Variants in IGDCC4 observed in about 807,000 individuals in gnomAD.
IGDCC4 encodes likely ortholog of mouse neighbor of Punc E11.
IGDCC4 carries 72 observed loss-of-function variants against 116.6 expected under a neutral mutation model. The observed-to-expected ratio is 0.62, with a 90% confidence interval of 0.51 to 0.75. The LOEUF is 0.75. Ranked by LOEUF, IGDCC4 falls within the 30% of genes least tolerant of loss-of-function variation. The pLI, the probability that IGDCC4 is intolerant of heterozygous loss-of-function variation, is 0.00. For missense variants in IGDCC4, 1,501 were observed against 1,662.4 expected, an observed-to-expected ratio of 0.90 and a Z score of 1.69; for synonymous variants, 709 against 719.9, an observed-to-expected ratio of 0.98 and a Z score of 0.24.
rs773818930 is a variant in IGDCC4, at chr15:65,384,451, G to A, written c.3343-32C>T. The A allele has an allele frequency of 6.8e-7, 1 of 1,478,772 alleles. No individual in the cohort carries two copies. The highest frequency in any genetic ancestry group is 1.4e-5 in the South Asian group (1 of 71,236). The allele number at this position is 1,478,772 out of a possible 1,614,324, so 91.6% of individuals were successfully genotyped here. ...AGAGCAGAGAACACAAAGACAAAGT[G>A]ACCATTACTGAGAGTAATCATCAGA... is the stretch of plus-strand genomic sequence containing the variant. On this transcript the variant is annotated intron_variant, in intron 19 of 19. Coordinates refer to ENST00000352385, the MANE Select transcript of IGDCC4 (RefSeq NM_020962.3). This position sits in a 1 kb window ranked among gnomAD's most constrained non-coding sequence, Gnocchi z 4.9.
At chr15:65,420,090 G>T (rs2063176685) in intron 1 of IGDCC4, among the ~76,000 whole-genome samples, 1 of 152,176 alleles carries the variant, frequency 6.6e-6, no homozygotes, top group East Asian at 1.9e-4. Context: ...GGGATTACAG[G>T]CATGCACCAC....
rs2091486136 is a variant in IGDCC4, at chr15:65,388,832, G to T, written c.2683C>A (p.Gln895Lys). 6.2e-7 allele frequency: 1 copy of T among 1,614,080 alleles called. No individual in the cohort carries two copies. The highest frequency in any genetic ancestry group is 8.5e-7 in the Non-Finnish European group (1 of 1,180,038). The change falls in exon 15 of 20, where the codon CAG becomes AAG. Residue 895 changes from glutamine to lysine, a missense_variant. This residue lies in a region of IGDCC4 where 235 missense variants were observed against 328.0 expected (regional missense o/e 0.72). Transcript: ENST00000352385. Reference protein sequence around the residue: ...YSSNHTQPEHQWTLLTTQGNI... With the variant: ...YSSNHTQPEHKWTLLTTQGNI... ...CCCTGCGTGGTGAGCAAGGTCCACT[G>T]GTGCTCAGGCTGCGTGTGGTTGCTG...
At position 65,395,822 on chromosome 15, in the gene IGDCC4, C is replaced by T; in HGVS notation, c.1339G>A (p.Val447Met). 2 of 1,523,966 alleles carry T rather than the reference C, an allele frequency of 1.3e-6. No individual in the cohort carries two copies. The highest frequency in any genetic ancestry group is 2.5e-5 in the East Asian group (1 of 39,594). The allele number at this position is 1,523,966 out of a possible 1,614,324, so 94.4% of individuals were successfully genotyped here. A position where few individuals can be genotyped will look rare whatever the true frequency, so the allele number is the denominator to read the frequency against. Residue 447 changes from valine (V) to methionine (M), a missense_variant, in exon 7 of 20, where the codon GTG becomes ATG. Physicochemically the swap from Val to Met is conservative, Grantham distance 21. Coordinates refer to ENST00000352385, the MANE Select transcript of IGDCC4 (RefSeq NM_020962.3). The stretch of plus-strand genomic sequence containing the variant: ...TGCATCTCGGGCCGCTCCCAGGCCA[C>T]CAACACAGCGGAGCTGCTCAGTGGC... The part of the protein sequence containing the change: ...ATPLSSSAVL[V>M]AWERPEMHSE...
chr15:65,421,549 C>T lies in IGDCC4; in HGVS notation c.70+1244G>A, dbSNP rs538221135. Among the ~76,000 whole-genome samples the T allele has an allele frequency of 2.0e-5, 3 of 152,318 alleles. No individual in the cohort carries two copies. The South Asian group carries it at 6.2e-4, about 32-fold the overall frequency. ...GGAGTTCCCGGCACTTTCCCACCCG[C>T]TGTTTGGTTTTCCTGGAGATGGGCC... On this transcript the variant is annotated intron_variant, in intron 1 of 19. Coordinates refer to ENST00000352385, the MANE Select transcript of IGDCC4 (RefSeq NM_020962.3).
chr15:65,390,114 C>T, intron 13 of IGDCC4, 41 bp downstream of exon 13: 1 of 1,399,738 alleles, frequency 7.1e-7, no homozygotes, highest in South Asian at 1.4e-5. Flanking sequence ...CCCACCTATT[C>T]TTCCTCCCTT....
At chr15:65,396,682 G>A in intron 6 of IGDCC4, 152 bp downstream of exon 6, 3 of 978,128 alleles carry the variant, frequency 3.1e-6, no homozygotes, top group Non-Finnish European at 4.4e-6. Flanking sequence ...CCCATCCCTC[G>A]TCCCACCTCC....
chr15:65,412,511 C>CAAAAAAAA lies in IGDCC4; in HGVS notation c.71-1149_71-1142dup, dbSNP rs3082805. On this transcript the variant is annotated intron_variant, in intron 1 of 19. Transcript: ENST00000352385. ...TGGGTGACAGAATGAGATTCCATCT[C>CAAAAAAAA]AAAAAAAAAAAAAAAAAAAAAAAAA... Among the ~76,000 whole-genome samples the CAAAAAAAA allele has an allele frequency of 4.5e-3, 75 of 16,716 alleles. 26 individuals are homozygous for CAAAAAAAA. Among genetic ancestry groups the CAAAAAAAA allele is most frequent in the East Asian group, 0.015 (8 of 532 alleles). The allele number at this position is 16,716 out of a possible 152,430, so 11.0% of individuals were successfully genotyped here.
At position 65,382,870 on chromosome 15, in the gene IGDCC4, T is replaced by C. The variant is rs560582977; in HGVS notation, c.*1139A>G. Reference sequence around the variant, plus strand: ...CATCCAGTAAACTTGCCCCCCTGCATAGAAGGGAGGGCATCTTTTTATTCT... The same window carrying C: ...CATCCAGTAAACTTGCCCCCCTGCACAGAAGGGAGGGCATCTTTTTATTCT... On this transcript the variant is annotated 3_prime_UTR_variant, in exon 20 of 20. Coordinates refer to ENST00000352385, the MANE Select transcript of IGDCC4 (RefSeq NM_020962.3). 1 of 152,232 alleles carries C rather than the reference T, an allele frequency of 6.6e-6. No individual in the cohort carries two copies. The highest frequency in any genetic ancestry group is 1.9e-4 in the East Asian group (1 of 5,176). The allele number at this position is 152,232 out of a possible 1,614,324, so 9.4% of individuals were successfully genotyped here.
At chr15:65,392,109 T>TCCCC in intron 11 of IGDCC4, 25 bp downstream of exon 11, 2 of 1,136,526 alleles carry the variant, frequency 1.8e-6, no homozygotes, top group South Asian at 1.4e-5. Flanking sequence ...CATCCCTCCC[T>TCCCC]CCCCCTCCCC....
rs1311553942 is a variant in IGDCC4, at chr15:65,382,697, ACCT to A, written c.*1309_*1311del. The A allele has an allele frequency of 6.6e-6, 1 of 151,928 alleles. No individual in the cohort carries two copies. The highest frequency in any genetic ancestry group is 2.4e-5 in the African/African-American group (1 of 41,330). The allele number at this position is 151,928 out of a possible 1,614,324, so 9.4% of individuals were successfully genotyped here. Reference sequence around the variant, plus strand: ...GAGCTACCCCTTTTCCTGTGCAAAGACCTCCTTGCCAGCACCCCAGAGGGTGAG... The same window carrying A: ...GAGCTACCCCTTTTCCTGTGCAAAGACCTTGCCAGCACCCCAGAGGGTGAG... On this transcript the variant is annotated 3_prime_UTR_variant, in exon 20 of 20. Coordinates refer to ENST00000352385, the MANE Select transcript of IGDCC4 (RefSeq NM_020962.3).
chr15:65,390,614 T>C (rs1048476018), intron 12 of IGDCC4, among the ~76,000 whole-genome samples: 4 of 152,176 alleles, frequency 2.6e-5, no homozygotes, highest in African/African-American at 9.7e-5. Flanking sequence ...CCAGGCTGCC[T>C]TGGTTCAAAT....
At chr15:65,395,298 C>G (rs2062912644) in intron 7 of IGDCC4, 40 bp from the exon 8 acceptor site, 1 of 1,581,714 alleles carries the variant, frequency 6.3e-7, no homozygotes, top group South Asian at 1.1e-5. Context: ...ATAGTGCCAC[C>G]CCCCCGTGCT....
Position 65,422,848 on chromosome 15 carries a change from GT to G in IGDCC4, c.14del (p.Asp5AlafsTer11). On this transcript the variant is annotated frameshift_variant, in exon 1 of 20. Transcript: ENST00000352385. LOFTEE classifies it high-confidence loss of function. MARG[D>X]AGRGRGLLAL... ...CGAGGAGCCCGCGGCCGCGGCCGGC[GT>G]CCCCCCGCGCCATGGGGCTGGGCTC... The G allele has an allele frequency of 8.4e-7, 1 of 1,195,762 alleles. No homozygotes were observed. The highest frequency in any genetic ancestry group is 1.0e-6 in the Non-Finnish European group (1 of 961,662). The allele number at this position is 1,195,762 out of a possible 1,614,324, so 74.1% of individuals were successfully genotyped here.
chr15:65,396,224 C>CA, intron 6 of IGDCC4, 61 bp from the exon 7 acceptor site: 1 of 1,377,826 alleles, frequency 7.3e-7, no homozygotes, highest in Non-Finnish European at 9.5e-7. Flanking sequence ...CTGCCCCCCC[C>CA]CCAGTACCCC....
At chr15:65,388,021 A>G (rs72625760) in intron 16 of IGDCC4, among the ~76,000 whole-genome samples, 30,881 of 151,962 alleles carry the variant, frequency 0.2, 3,435 homozygotes, top group East Asian at 0.44. Flanking sequence ...CAAGGTAGGC[A>G]GATCACGAGG....
At chr15:65,397,778 C>T (rs1313387483) in intron 5 of IGDCC4, among the ~76,000 whole-genome samples, 2 of 152,114 alleles carry the variant, frequency 1.3e-5, no homozygotes, top group Non-Finnish European at 2.9e-5. Context: ...CATAAAGGAG[C>T]TTCACCTAGG....
In IGDCC4 at chr15:65,391,027, G is replaced by C. The variant is rs1708262848; in HGVS notation, c.2225-689C>G. 3.3e-5 allele frequency among the ~76,000 whole-genome samples: 5 copies of C among 152,166 alleles called. No homozygotes were observed. In the South Asian group the frequency reaches 1.0e-3, roughly 31 times the overall value. ...ATGGGTGGATCACCTGAGGTCGGGA[G>C]TTCAAGGCCAGCCTGGCCAACATGG... On this transcript the variant is annotated intron_variant, in intron 12 of 19. Coordinates refer to ENST00000352385, the MANE Select transcript of IGDCC4 (RefSeq NM_020962.3).
intron 18 of IGDCC4, chr15:65,385,596 A>G: frequency 4.9e-6 from 3 of 613,148 alleles, no homozygotes; most frequent in South Asian, 3.8e-5. Context: ...ACCCTGGGTC[A>G]CCTGCTGGGA....
At chr15:65,386,949 A>G (rs1184032194) in intron 16 of IGDCC4, among the ~76,000 whole-genome samples, 2 of 152,090 alleles carry the variant, frequency 1.3e-5, no homozygotes, top group African/African-American at 4.8e-5. Context: ...TGGGTGTGCA[A>G]CATGTGCAGG....
Sources: allele counts gnomAD v4.1 joint callset (sites outside exome capture counted in the v4.1 genomes callset), GRCh38; gene constraint gnomAD v4.1.1; regional missense constraint gnomAD v4.1.1; non-coding constraint Gnocchi (gnomAD v3.1); transcripts MANE v1.5; gene names NCBI Gene and HGNC (gene_info 2026-07-23, HGNC 2026-07-21).